The following CRIM1 variants were observed in gnomAD, a reference collection of about 807,000 sequenced individuals.
CRIM1 encodes the protein cysteine rich transmembrane BMP regulator 1.
CRIM1 carries 32 observed loss-of-function variants against 116.4 expected under a neutral mutation model. The observed-to-expected ratio is 0.27, with a 90% confidence interval of 0.21 to 0.37. The LOEUF (loss-of-function observed/expected upper bound fraction) is 0.37, where lower values mean the gene tolerates loss of function less well. CRIM1 is among the 10% of genes least tolerant of loss of function. The pLI, the probability that CRIM1 is intolerant of heterozygous loss-of-function variation, is 1.00. For missense variants in CRIM1, 1,331 were observed against 1,354.8 expected (o/e 0.98, Z 0.28); for synonymous variants, 590 against 509.2 (o/e 1.16, Z -2.13).
chr2:36,437,873 C>T (rs1572728696), intron 2 of CRIM1, among the ~76,000 whole-genome samples: 1 of 151,988 alleles, frequency 6.6e-6, no homozygotes, highest in East Asian at 1.9e-4. Context: ...GTGGCTCACT[C>T]CTGTAATCCC....
intron 9 of CRIM1, among the ~76,000 whole-genome samples, chr2:36,511,759 G>A (rs1259559817): frequency 6.6e-6 from 1 of 151,848 alleles, no homozygotes; most frequent in Non-Finnish European, 1.5e-5. Flanking sequence ...CCACGTGGGA[G>A]TGTCAGGATG....
At chr2:36,414,550 G>A (rs1456358415) in intron 2 of CRIM1, among the ~76,000 whole-genome samples, 1 of 152,194 alleles carries the variant, frequency 6.6e-6, no homozygotes, top group Non-Finnish European at 1.5e-5. Context: ...TTATGTGATT[G>A]CTGTTGACGT....
In CRIM1 at chr2:36,460,862, GAGA is replaced by G. The variant is rs1276889176; in HGVS notation, c.870-3666_870-3664del. Reference sequence around the variant, plus strand: ...GAAAAGTGTGGTGTTTGGGGGTTCAGAGAAGAAGCTGTTATCCGAGGTTGGCCT... The same window carrying G: ...GAAAAGTGTGGTGTTTGGGGGTTCAGAGAAGCTGTTATCCGAGGTTGGCCT... On this transcript the variant is annotated intron_variant, in intron 4 of 16. Transcript: ENST00000280527. 2.0e-5 allele frequency among the ~76,000 whole-genome samples: 3 copies of G among 152,304 alleles called. No homozygotes were observed. The East Asian group carries it at 5.8e-4, about 29-fold the overall frequency.
intron 5 of CRIM1, among the ~76,000 whole-genome samples, chr2:36,467,192 C>T (rs574087690): frequency 1.3e-5 from 2 of 152,288 alleles, no homozygotes; most frequent in African/African-American, 4.8e-5. Context: ...TTTCTTGCCA[C>T]CATAAACTTG....
chr2:36,538,618 G>A (rs535637407), intron 14 of CRIM1, among the ~76,000 whole-genome samples: 1 of 152,218 alleles, frequency 6.6e-6, no homozygotes, highest in African/African-American at 2.4e-5. Flanking sequence ...TTTTGTTTAG[G>A]CGTTGTGCAG....
chr2:36,473,925 A>AC (rs149026435), intron 5 of CRIM1, among the ~76,000 whole-genome samples: 1,553 of 152,274 alleles, frequency 0.01, 31 homozygotes, highest in African/African-American at 0.035. Flanking sequence ...TAAGGAACTC[A>AC]CAAACTGTTT....
intron 2 of CRIM1, among the ~76,000 whole-genome samples, chr2:36,437,425 A>G (rs1675403747): frequency 7.0e-6 from 1 of 143,272 alleles, no homozygotes; most frequent in Non-Finnish European, 1.5e-5. Context: ...GATAAGGCCA[A>G]CATAAAAAGA....
intron 13 of CRIM1, chr2:36,529,056 CTTAAT>C (rs1665944094): frequency 4.3e-6 from 2 of 469,610 alleles, no homozygotes; most frequent in Admixed American, 4.7e-5. Context: ...GCCCCACGTT[CTTAAT>C]TTAAAGAGCT....
chr2:36,464,395 C>T (rs919265703), intron 4 of CRIM1, 139 bp from the exon 5 acceptor site: 3 of 827,756 alleles, frequency 3.6e-6, no homozygotes, highest in Admixed American at 4.5e-5. Flanking sequence ...CTTCCCATTT[C>T]CCAGTGACAC....
At chr2:36,449,781 G>A (rs377273515) in intron 4 of CRIM1, among the ~76,000 whole-genome samples, 7 of 152,186 alleles carry the variant, frequency 4.6e-5, no homozygotes, top group African/African-American at 9.6e-5. Flanking sequence ...AAAATAATGG[G>A]AGAGATATAT....
chr2:36,506,561 A>G (rs372956045), intron 8 of CRIM1, among the ~76,000 whole-genome samples: 12 of 152,042 alleles, frequency 7.9e-5, no homozygotes, highest in African/African-American at 2.7e-4. Context: ...AGGAGCAAAC[A>G]TTCCTATTTT....
chr2:36,382,114 C>G (rs1403026708), intron 1 of CRIM1, among the ~76,000 whole-genome samples: 2 of 152,216 alleles, frequency 1.3e-5, no homozygotes, highest in African/African-American at 4.8e-5. Flanking sequence ...TCCTCAACTT[C>G]CTCCTAATTA....
chr2:36,472,906 G>A (rs1426755388), intron 5 of CRIM1, among the ~76,000 whole-genome samples: 1 of 152,178 alleles, frequency 6.6e-6, no homozygotes, highest in African/African-American at 2.4e-5. Flanking sequence ...AGAATTCTGA[G>A]CCATGGTAAG....
At chr2:36,496,924 C>G (rs1680641331) in intron 7 of CRIM1, among the ~76,000 whole-genome samples, 1 of 152,166 alleles carries the variant, frequency 6.6e-6, no homozygotes, top group Non-Finnish European at 1.5e-5. Context: ...ACATACATCA[C>G]TATTGAGAGC....
At chr2:36,521,547 T>A (rs573760281) in intron 12 of CRIM1, among the ~76,000 whole-genome samples, 1 of 152,314 alleles carries the variant, frequency 6.6e-6, no homozygotes, top group South Asian at 2.1e-4. Flanking sequence ...AGTGGCTCAG[T>A]GGGGTCAAGG....
At chr2:36,410,936 C>CCG (rs1673158091) in intron 2 of CRIM1, among the ~76,000 whole-genome samples, 1 of 152,192 alleles carries the variant, frequency 6.6e-6, no homozygotes, top group African/African-American at 2.4e-5. Flanking sequence ...CCTGCTCTGA[C>CCG]CTCAGAGGAC....
chr2:36,405,734 C>T (rs975274120), intron 2 of CRIM1, among the ~76,000 whole-genome samples: 1 of 152,154 alleles, frequency 6.6e-6, no homozygotes, highest in Admixed American at 6.5e-5. Flanking sequence ...ATTTCCACTA[C>T]TTCTTTCATT....
chr2:36,513,272 G>T, intron 10 of CRIM1: 1 of 377,988 alleles, frequency 2.6e-6, no homozygotes, highest in South Asian at 3.8e-5. Context: ...ATCAGTGCTT[G>T]TTTATTGTAT....
chr2:36,415,793 T>C (rs1232799461), intron 2 of CRIM1, among the ~76,000 whole-genome samples: 12 of 152,220 alleles, frequency 7.9e-5, no homozygotes, highest in Non-Finnish European at 4.4e-5. Context: ...ATACTTAGTC[T>C]ATGTCTGTGT....
Sources: gnomAD v4.1 joint callset for allele counts (sites outside exome capture counted in the v4.1 genomes callset) on GRCh38, gnomAD v4.1.1 for gene constraint, MANE v1.5 for transcripts, NCBI Gene and HGNC (gene_info 2026-07-23, HGNC 2026-07-21) for gene names.